Variants in MCFD2 observed in about 807,000 individuals in gnomAD.
MCFD2 encodes the protein multiple coagulation factor deficiency 2, ER cargo receptor complex subunit, also known as multiple coagulation factor deficiency protein 2.
A neutral mutation model predicts 12.8 loss-of-function variants in MCFD2; 11 were observed. The observed-to-expected ratio is 0.86, with a 90% CI of 0.54 to 1.42. MCFD2 has a LOEUF of 1.42. Among genes scored for constraint, MCFD2 ranks in the 40% most tolerant of loss-of-function variants. The probability of loss-of-function intolerance (pLI) is 0.00; values close to 1 mark genes in which losing one functional copy is unlikely to be tolerated. For missense variants in MCFD2, 191 were observed against 178.6 expected, an observed-to-expected ratio of 1.07 and a Z score of -0.40; for synonymous variants, 70 against 68.1, an observed-to-expected ratio of 1.03 and a Z score of -0.14.
rs1409268260 is a variant in MCFD2 at position 46,907,073 on chromosome 2, A to T, written c.309+737T>A. On this transcript the variant is annotated intron_variant, in intron 3 of 3. Transcript: ENST00000319466. This position sits in a 1 kb window ranked among gnomAD's most constrained non-coding sequence, Gnocchi z 4.1. ...TCCAACGAGATCTCTAACCTACTTG[A>T]AAGGGCTTCAGAAACTTTGGAGCAC... 6.5e-6 allele frequency: 1 copy of T among 152,808 alleles called. No homozygotes were observed. Among genetic ancestry groups the T allele is most frequent in the Non-Finnish European group, 1.5e-5 (1 of 68,532 alleles). 9.5% of individuals were successfully genotyped at this position (152,808 alleles called of 1,614,324 possible).
chr2:46,927,286 C>G lies in MCFD2; in HGVS notation c.-8+14286G>C, dbSNP rs183637187. Among the ~76,000 whole-genome samples the G allele has an allele frequency of 1.0e-4, 15 of 149,936 alleles. 1 individual carries two copies. In the East Asian group the frequency reaches 2.9e-3, roughly 29 times the overall value. ...CAAAGTTAATGAAAAGAAACCTAAG[C>G]TAAGCACATTAAAATAAGTCTGTAG... On this transcript the variant is annotated intron_variant, in intron 1 of 2. Transcript: ENST00000409147.
At position 46,940,074 on chromosome 2, in the gene MCFD2, A is replaced by AG. The variant is rs1670204468; in HGVS notation, c.-8+1497dup. On this transcript the variant is annotated intron_variant, in intron 1 of 2. Transcript: ENST00000409147. The surrounding 1 kb of genome is among the most constrained non-coding windows in gnomAD (Gnocchi z 4.7). ...GAGTCGGGGGTCAGTGGGAACAGGA[A>AG]GACTGTCTTCAACTAATCACCCTGT... Among the ~76,000 whole-genome samples the AG allele has an allele frequency of 6.6e-6, 1 of 152,096 alleles. No homozygotes were observed. The highest frequency in any genetic ancestry group is 1.5e-5 in the Non-Finnish European group (1 of 68,018).
At chr2:46,917,379 AT>A, upstream of MCFD2, 1 of 586,346 alleles carries the variant, frequency 1.7e-6, no homozygotes, top group Non-Finnish European at 3.0e-6. Flanking sequence ...GATTAGTTTG[AT>A]CTAGTTCCTC....
rs1035665246 is a variant in MCFD2 at position 46,903,836 on chromosome 2, G to A, written c.*1627C>T. On this transcript the variant is annotated 3_prime_UTR_variant, in exon 4 of 4. Coordinates refer to ENST00000319466, the MANE Select transcript of MCFD2 (RefSeq NM_139279.6). ...AAATTTGCAGCCTGACTATGCAATA[G>A]AAAAGAAAAACCCATTTTCTGGGGA... 6.6e-6 allele frequency: 1 copy of A among 152,164 alleles called. No homozygotes were observed. Among genetic ancestry groups the A allele is most frequent in the Admixed American group, 6.5e-5 (1 of 15,280 alleles). 9.4% of individuals were successfully genotyped at this position (152,164 alleles called of 1,614,324 possible). A position where few individuals can be genotyped will look rare whatever the true frequency, so the allele number is the denominator to read the frequency against.
rs1668030245 is a variant in MCFD2 at position 46,901,917 on chromosome 2, A to C, written c.*3546T>G. 1 of 152,678 alleles carries C rather than the reference A, an allele frequency of 6.5e-6. No homozygotes were observed. The highest frequency in any genetic ancestry group is 1.5e-5 in the Non-Finnish European group (1 of 68,046). The allele number at this position is 152,678 out of a possible 1,614,324, so 9.5% of individuals were successfully genotyped here. The stretch of plus-strand genomic sequence containing the variant: ...ATTGGTCATATATCCAGAATTCATC[A>C]TATATAAATCTTTCAAAATAATGAG... On this transcript the variant is annotated 3_prime_UTR_variant, in exon 4 of 4. Coordinates refer to ENST00000319466, the MANE Select transcript of MCFD2 (RefSeq NM_139279.6). The surrounding 1 kb of genome is among the most constrained non-coding windows in gnomAD (Gnocchi z 4.3).
At chr2:46,922,027 G>A (rs1237958525) in intron 1 of MCFD2, among the ~76,000 whole-genome samples, 1 of 152,188 alleles carries the variant, frequency 6.6e-6, no homozygotes, top group Admixed American at 6.5e-5. Flanking sequence ...TACTGGGAAC[G>A]ATAAGTTTTT....
chr2:46,908,018 T>C lies in MCFD2; in HGVS notation c.150-49A>G, dbSNP rs759135433. 6.2e-7 allele frequency: 1 copy of C among 1,606,604 alleles called. No homozygotes were observed. On this transcript the variant is annotated intron_variant, in intron 2 of 3. Transcript: ENST00000319466. This position sits in a 1 kb window ranked among gnomAD's most constrained non-coding sequence, Gnocchi z 4.5. The stretch of plus-strand genomic sequence containing the variant: ...GGCCAATTGACAGATACTGGGATCA[T>C]GCTGAAATCTTAAGGACTCTGAAAA...
upstream of MCFD2, among the ~76,000 whole-genome samples, chr2:46,919,628 C>T (rs959607901): frequency 6.6e-6 from 1 of 152,080 alleles, no homozygotes; most frequent in African/African-American, 2.4e-5. Flanking sequence ...ATCCTGTGTC[C>T]CTAAAATCTC....
chr2:46,926,029 A>C (rs1419147159), intron 1 of MCFD2, among the ~76,000 whole-genome samples: 1 of 152,164 alleles, frequency 6.6e-6, no homozygotes, highest in East Asian at 1.9e-4. Flanking sequence ...GCTCATTCTC[A>C]GAGACTTACT....
At chr2:46,931,223 C>T (rs1374473901) in intron 1 of MCFD2, among the ~76,000 whole-genome samples, 2 of 152,192 alleles carry the variant, frequency 1.3e-5, no homozygotes, top group Non-Finnish European at 2.9e-5. Flanking sequence ...GGATTATAGG[C>T]ATATACCATC....
chr2:46,929,981 A>G (rs372508414), intron 1 of MCFD2, among the ~76,000 whole-genome samples: 2 of 152,346 alleles, frequency 1.3e-5, no homozygotes, highest in South Asian at 2.1e-4. Context: ...GTGAAGAAAT[A>G]TGGAGAAAAG....
Position 46,909,046 on chromosome 2 carries a change from A to C in MCFD2, c.126T>G (p.Asp42Glu). ...SFSQPGSMGL[D>E]KNTVHDQEHI... Reference sequence around the variant, plus strand: ...ACTCTTGGTCGTGCACTGTGTTCTTATCCAGGCCCATGCTGCCGGGTTGGG... The same window carrying C: ...ACTCTTGGTCGTGCACTGTGTTCTTCTCCAGGCCCATGCTGCCGGGTTGGG... Residue 42 changes from aspartate to glutamate, a missense_variant, in exon 2 of 4, where the codon GAT becomes GAG. Asp to Glu is a conservative substitution (Grantham distance 45, BLOSUM62 2). Transcript: ENST00000319466. 1 of 1,614,176 alleles carries C rather than the reference A, an allele frequency of 6.2e-7. No individual in the cohort carries two copies. Among genetic ancestry groups the C allele is most frequent in the Non-Finnish European group, 8.5e-7 (1 of 1,180,036 alleles).
In MCFD2 at chr2:46,941,814, G is replaced by C. The variant is rs915789169; in HGVS notation, c.-250C>G. 17 of 1,494,954 alleles carry C rather than the reference G, an allele frequency of 1.1e-5. No homozygotes were observed. The highest frequency in any genetic ancestry group is 2.3e-4 in the Middle Eastern group (1 of 4,272). The allele number at this position is 1,494,954 out of a possible 1,614,324, so 92.6% of individuals were successfully genotyped here. A position where few individuals can be genotyped will look rare whatever the true frequency, so the allele number is the denominator to read the frequency against. On this transcript the variant is annotated 5_prime_UTR_variant, in exon 1 of 3. Transcript: ENST00000409147. This position sits in a 1 kb window ranked among gnomAD's most constrained non-coding sequence, Gnocchi z 4.2. ...AAGCGCGCCCAGACAGTCCTCGGCC[G>C]ACAGCGGGCGCCTGCCAGCCCACCG...
chr2:46,913,281 C>T (rs750403396), intron 1 of MCFD2, among the ~76,000 whole-genome samples: 3 of 152,146 alleles, frequency 2.0e-5, no homozygotes, highest in Admixed American at 1.3e-4. Flanking sequence ...GGCATGGTGG[C>T]TTATGCCTGT....
At chr2:46,936,917 C>T (rs571210396) in intron 1 of MCFD2, among the ~76,000 whole-genome samples, 1 of 150,914 alleles carries the variant, frequency 6.6e-6, no homozygotes, top group South Asian at 2.1e-4. Flanking sequence ...TGCAGTGGCA[C>T]GATCTCAGCT....
intron 1 of MCFD2, among the ~76,000 whole-genome samples, chr2:46,935,198 C>T (rs1170622148): frequency 2.6e-5 from 4 of 152,100 alleles, no homozygotes; most frequent in Non-Finnish European, 5.9e-5. Context: ...TGGAAAAGAG[C>T]TGTGAAGGGG....
upstream of MCFD2, among the ~76,000 whole-genome samples, chr2:46,917,943 G>A (rs1668901347): frequency 6.6e-6 from 1 of 152,164 alleles, no homozygotes; most frequent in African/African-American, 2.4e-5. Context: ...TTATCAAAGT[G>A]TCCAGGGTTC....
Position 46,907,980 on chromosome 2 carries a change from A to G in MCFD2, c.150-11T>C, listed in dbSNP as rs1266526507. The G allele has an allele frequency of 1.2e-6, 2 of 1,614,056 alleles. No homozygotes were observed. The highest frequency in any genetic ancestry group is 1.7e-5 in the Admixed American group (1 of 60,034). On this transcript the variant is annotated splice_polypyrimidine_tract_variant and intron_variant, in intron 2 of 3. Coordinates refer to ENST00000319466, the MANE Select transcript of MCFD2 (RefSeq NM_139279.6). This position sits in a 1 kb window ranked among gnomAD's most constrained non-coding sequence, Gnocchi z 4.1. ...TGCTCCATGATATGCCTAAAAATCA[A>G]CAGTCAGGTTCAGGCCAATTGACAG...
rs57111138 is a variant in MCFD2, at chr2:46,908,264, C to CTT, written c.150-297_150-296dup. On this transcript the variant is annotated intron_variant, in intron 2 of 3. Coordinates refer to ENST00000319466, the MANE Select transcript of MCFD2 (RefSeq NM_139279.6). This position sits in a 1 kb window ranked among gnomAD's most constrained non-coding sequence, Gnocchi z 4.5. ...CAATTTAAAAATATGTCCTTTAAAA[C>CTT]TTTTTTTTTTTTTTGAGACAGGGTC... 1.8e-4 allele frequency: 63 copies of CTT among 349,506 alleles called. No individual in the cohort carries two copies. The highest frequency in any genetic ancestry group is 2.8e-4 in the East Asian group (4 of 14,302). The allele number at this position is 349,506 out of a possible 1,614,324, so 21.7% of individuals were successfully genotyped here. A position where few individuals can be genotyped will look rare whatever the true frequency, so the allele number is the denominator to read the frequency against.
Sources: gnomAD v4.1 joint callset for allele counts (sites outside exome capture counted in the v4.1 genomes callset) on GRCh38, gnomAD v4.1.1 for gene constraint, Gnocchi (gnomAD v3.1) non-coding constraint, MANE v1.5 for transcripts, NCBI Gene and HGNC (gene_info 2026-07-23, HGNC 2026-07-21) for gene names.